Variants in CLYBL observed in about 807,000 individuals in gnomAD.
CLYBL encodes the protein citramalyl-CoA lyase.
CLYBL carries 31 observed loss-of-function variants against 38.9 expected under a neutral mutation model. The ratio of observed to expected loss-of-function variants is 0.80; its 90% CI spans 0.60 to 1.08. CLYBL has a LOEUF of 1.08. CLYBL is among the 50% of genes least tolerant of loss of function. The pLI is 0.00. For synonymous variants in CLYBL, 171 were observed against 158.6 expected (o/e 1.08, Z -0.59); for missense variants, 434 against 411.6 (o/e 1.05, Z -0.47).
rs68172402 is a variant in CLYBL at position 99,770,076 on chromosome 13, C to CTTTTTTTTT, written c.63-2745_63-2744insTTTTTTTTT. 1.6e-4 allele frequency among the ~76,000 whole-genome samples: 20 copies of CTTTTTTTTT among 121,950 alleles called. 1 individual carries two copies. Among genetic ancestry groups the CTTTTTTTTT allele is most frequent in the Non-Finnish European group, 2.3e-4 (12 of 53,202 alleles). 80.0% of individuals were successfully genotyped at this position (121,950 alleles called of 152,430 possible). A position where few individuals can be genotyped will look rare whatever the true frequency, so the allele number is the denominator to read the frequency against. ...TTTAACTTTTCTTTCTTTTTCTTTTCTTTCTTTTTTTTTTTTTTTTTGAGA... is the reference window on the plus strand; with the variant it reads ...TTTAACTTTTCTTTCTTTTTCTTTTCTTTTTTTTTTTTCTTTTTTTTTTTTTTTTTGAGA... On this transcript the variant is annotated intron_variant, in intron 1 of 8. Coordinates refer to ENST00000339105, the MANE Select transcript of CLYBL (RefSeq NM_206808.5).
chr13:99,649,539 T>G (rs1412824599), intron 1 of CLYBL, among the ~76,000 whole-genome samples: 1 of 152,138 alleles, frequency 6.6e-6, no homozygotes, highest in Admixed American at 6.5e-5. Context: ...TGGGGAAAAT[T>G]TGGAATATTG....
chr13:99,701,306 G>T (rs1339295668), intron 1 of CLYBL, among the ~76,000 whole-genome samples: 1 of 151,932 alleles, frequency 6.6e-6, no homozygotes, highest in Non-Finnish European at 1.5e-5. Flanking sequence ...GGAGGATGTG[G>T]TTTTTGTTTT....
chr13:99,870,007 C>T (rs913929446), intron 6 of CLYBL, among the ~76,000 whole-genome samples: 11 of 151,760 alleles, frequency 7.2e-5, no homozygotes, highest in African/African-American at 2.7e-4. Flanking sequence ...TTTTTAATGA[C>T]TGCATTATTT....
intron 2 of CLYBL, among the ~76,000 whole-genome samples, chr13:99,819,377 A>G (rs368885479): frequency 7.2e-6 from 1 of 137,998 alleles, no homozygotes; most frequent in African/African-American, 2.7e-5. Context: ...GTCACCTACT[A>G]TACAGAGCAA....
intron 1 of CLYBL, among the ~76,000 whole-genome samples, chr13:99,733,342 A>G (rs920361621): frequency 5.3e-5 from 8 of 152,164 alleles, no homozygotes; most frequent in Non-Finnish European, 1.0e-4. Context: ...CTTGTCCAAA[A>G]TTGTCCCTGT....
chr13:99,817,978 G>A lies in CLYBL; in HGVS notation c.250-40883G>A, dbSNP rs554790164. Among the ~76,000 whole-genome samples the A allele has an allele frequency of 4.1e-4, 62 of 151,976 alleles. 2 individuals are homozygous for A. Among genetic ancestry groups the A allele is most frequent in the African/African-American group, 1.4e-3 (59 of 41,430 alleles). ...GTGATCACACCACTGCACTCAGCCT[G>A]GGTGACAGAGTGAGAACTTGTCTCA... On this transcript the variant is annotated intron_variant, in intron 2 of 8. Coordinates refer to ENST00000339105, the MANE Select transcript of CLYBL (RefSeq NM_206808.5).
chr13:99,711,615 A>G (rs1395874958), intron 1 of CLYBL, among the ~76,000 whole-genome samples: 1 of 119,546 alleles, frequency 8.4e-6, no homozygotes, highest in Non-Finnish European at 1.8e-5. Flanking sequence ...CATGTTGGTC[A>G]GGCTGGTCTT....
intron 2 of CLYBL, among the ~76,000 whole-genome samples, chr13:99,855,672 G>A (rs1304679092): frequency 6.6e-6 from 1 of 152,036 alleles, no homozygotes; most frequent in African/African-American, 2.4e-5. Flanking sequence ...CTCTCGAACT[G>A]AACACCCAGA....
chr13:99,621,754 G>A (rs1389740694), intron 1 of CLYBL, among the ~76,000 whole-genome samples: 1 of 47,132 alleles, frequency 2.1e-5, no homozygotes, highest in Admixed American at 2.3e-4. Flanking sequence ...ATTTTTTGGC[G>A]ATTTTTTTTT....
At chr13:99,813,825 C>T (rs954312901) in intron 2 of CLYBL, among the ~76,000 whole-genome samples, 5 of 152,194 alleles carry the variant, frequency 3.3e-5, no homozygotes, top group Non-Finnish European at 5.9e-5. Context: ...CGTTGCCGTC[C>T]GCAAGTCCTT....
chr13:99,793,121 A>G (rs753538605), intron 2 of CLYBL, among the ~76,000 whole-genome samples: 2 of 152,038 alleles, frequency 1.3e-5, no homozygotes, highest in Non-Finnish European at 2.9e-5. Context: ...CACCGTACAC[A>G]TACACGAATC....
rs183805507 is a variant in CLYBL at position 99,687,567 on chromosome 13, T to C, written c.62+80810T>C. ...TGTTCTCTACAGGAAGGAAGTAGTA[T>C]ACTGCTTGTGAATGGTAGGCTAAAT... On this transcript the variant is annotated intron_variant, in intron 1 of 8. Transcript: ENST00000339105. 2.1e-3 allele frequency among the ~76,000 whole-genome samples: 324 copies of C among 152,316 alleles called. 2 individuals carry two copies. The highest frequency in any genetic ancestry group is 7.2e-3 in the African/African-American group (299 of 41,572).
intron 7 of CLYBL, among the ~76,000 whole-genome samples, chr13:99,877,095 A>G (rs2052062374): frequency 6.6e-6 from 1 of 152,090 alleles, no homozygotes; most frequent in African/African-American, 2.4e-5. Context: ...CCCAACATAG[A>G]TTGGAAACTC....
chr13:99,641,927 A>C (rs2047100940), intron 1 of CLYBL, among the ~76,000 whole-genome samples: 1 of 152,254 alleles, frequency 6.6e-6, no homozygotes, highest in East Asian at 1.9e-4. Flanking sequence ...TGGAAATGTC[A>C]TTCAAACCAT....
chr13:99,872,265 A>G (rs1286311745), intron 7 of CLYBL, among the ~76,000 whole-genome samples: 1 of 152,216 alleles, frequency 6.6e-6, no homozygotes, highest in Admixed American at 6.5e-5. Flanking sequence ...TACGTTGGAA[A>G]TACCCAATTT....
At chr13:99,743,704 G>C (rs1430191731) in intron 1 of CLYBL, among the ~76,000 whole-genome samples, 1 of 152,192 alleles carries the variant, frequency 6.6e-6, no homozygotes, top group Non-Finnish European at 1.5e-5. Context: ...AGACCTGGTG[G>C]TGTTTATAAC....
At chr13:99,833,841 T>G (rs1348363635) in intron 2 of CLYBL, among the ~76,000 whole-genome samples, 2 of 151,774 alleles carry the variant, frequency 1.3e-5, no homozygotes, top group Non-Finnish European at 2.9e-5. Flanking sequence ...TAGCTGGGAT[T>G]CAGGCACACA....
chr13:99,651,937 G>GA (rs59071319), intron 1 of CLYBL, among the ~76,000 whole-genome samples: 104,960 of 151,812 alleles, frequency 0.69, 37,614 homozygotes, highest in East Asian at 0.89. Context: ...ATCTTGGGGG[G>GA]AAAAAAAGAT....
At chr13:99,864,941 C>CTGTG (rs3831038) in intron 5 of CLYBL, 30 bp downstream of exon 5, 11 of 1,355,916 alleles carry the variant, frequency 8.1e-6, no homozygotes, top group East Asian at 2.4e-5. Context: ...CTCTCTTTTT[C>CTGTG]TGTGTGTGTG....
Sources: allele counts gnomAD v4.1 joint callset (sites outside exome capture counted in the v4.1 genomes callset), GRCh38; gene constraint gnomAD v4.1.1; transcripts MANE v1.5; gene names NCBI Gene and HGNC (gene_info 2026-07-23, HGNC 2026-07-21).